FANCL: variants seen among roughly 807,000 people sequenced by gnomAD.
The protein encoded by FANCL is FA complementation group L, also known as E3 ubiquitin-protein ligase FANCL.
A neutral mutation model predicts 59.4 loss-of-function variants in FANCL; 69 were observed. The ratio of observed to expected loss-of-function variants is 1.16; its 90% CI spans 0.96 to 1.42. FANCL has a LOEUF of 1.42. Ranked by LOEUF, FANCL falls within the 40% of genes most tolerant of loss-of-function variation. The pLI, the probability that FANCL is intolerant of heterozygous loss-of-function variation, is 0.00. For missense variants in FANCL, 519 were observed against 447.2 expected (o/e 1.16, Z -1.45); for synonymous variants, 180 against 147.1 (o/e 1.22, Z -1.62).
rs1023627906 is a variant in FANCL at position 58,212,323 on chromosome 2, G to T, written c.375-8097C>A. Among the ~76,000 whole-genome samples, 8 of 152,292 alleles carry T rather than the reference G, an allele frequency of 5.3e-5. No homozygotes were observed. The East Asian group carries it at 1.2e-3, about 22-fold the overall frequency. On this transcript the variant is annotated intron_variant, in intron 5 of 13. Coordinates refer to ENST00000233741, the MANE Select transcript of FANCL (RefSeq NM_018062.4). ...TCATTACCATGAGAACAGTATGGGG[G>T]AAACTGCCCCCGTGATTAAATTATC...
At chr2:58,192,205 T>C (rs1365185243) in intron 7 of FANCL, among the ~76,000 whole-genome samples, 2 of 151,950 alleles carry the variant, frequency 1.3e-5, no homozygotes, top group Non-Finnish European at 2.9e-5. Context: ...TCCACAAGTA[T>C]CTCATGTGCT....
intron 11 of FANCL, 138 bp from the exon 12 acceptor site, chr2:58,161,776 T>C: frequency 1.5e-6 from 1 of 655,934 alleles, no homozygotes; most frequent in Non-Finnish European, 2.8e-6. Context: ...AAGATATTCA[T>C]CACCTCAACA....
rs186273682 is a variant in FANCL at position 58,191,200 on chromosome 2, T to A, written c.540+7394A>T. Among the ~76,000 whole-genome samples, 3 of 151,860 alleles carry A rather than the reference T, an allele frequency of 2.0e-5. No individual in the cohort carries two copies. The East Asian group carries it at 5.8e-4, about 29-fold the overall frequency. ...CAGAGTCCCTGTCAGGAACAAAACA[T>A]GAGAGAATGTTAATAAATTATACTC... On this transcript the variant is annotated intron_variant, in intron 7 of 13. Coordinates refer to ENST00000233741, the MANE Select transcript of FANCL (RefSeq NM_018062.4).
rs749841169 is a variant in FANCL, at chr2:58,162,957, T to A, written c.822-10A>T. ...ACTATTTTCTGGATCCCTGAAAGCA[T>A]GGGGAAAAAAATTATGCTGTGAACT... On this transcript the variant is annotated splice_polypyrimidine_tract_variant and intron_variant, in intron 10 of 13. Transcript: ENST00000233741. 2 of 1,612,498 alleles carry A rather than the reference T, an allele frequency of 1.2e-6. No individual in the cohort carries two copies. The highest frequency in any genetic ancestry group is 2.7e-5 in the African/African-American group (2 of 74,832).
intron 7 of FANCL, among the ~76,000 whole-genome samples, chr2:58,177,770 TTAATAA>T (rs1031274136): frequency 7.0e-6 from 1 of 143,286 alleles, no homozygotes; most frequent in African/African-American, 2.6e-5. Context: ...ACACTAAAAC[TTAATAA>T]TAAAATAAAA....
At position 58,160,122 on chromosome 2, in the gene FANCL, G is replaced by C. The variant is rs748875030; in HGVS notation, c.1078C>G (p.Pro360Ala). 1 of 1,612,522 alleles carries C rather than the reference G, an allele frequency of 6.2e-7. No individual in the cohort carries two copies. The highest frequency in any genetic ancestry group is 8.5e-7 in the Non-Finnish European group (1 of 1,178,826). The change falls in exon 13 of 14, where the codon CCA becomes GCA. Residue 360 changes from proline to alanine, a missense_variant. Physicochemically the swap from Pro to Ala is conservative, Grantham distance 27. Transcript: ENST00000233741. ...QSFNIIFGECPYCSKPITLKM... is the reference protein window; with the variant it reads ...QSFNIIFGECAYCSKPITLKM... ...AATTTGCTTACCTTACTACAATATG[G>C]ACATTCACCAAATATGATGTTAAAA...
intron 7 of FANCL, 101 bp from the exon 8 acceptor site, chr2:58,165,975 C>A: frequency 8.5e-7 from 1 of 1,177,756 alleles, no homozygotes; most frequent in Non-Finnish European, 1.2e-6. Flanking sequence ...TAAGCTGTTT[C>A]ATTTTAGCTA....
rs200819615 is a variant in FANCL, at chr2:58,161,573, C to T, written c.969G>A (p.Val323=). The T allele has an allele frequency of 2.5e-5, 40 of 1,611,540 alleles. No individual in the cohort carries two copies. The highest frequency in any genetic ancestry group is 4.2e-6 in the Non-Finnish European group (5 of 1,178,126). The part of the protein sequence containing the change: ...YQLDGTIPDQ[V]CDNSQCGQPF... Reference sequence around the variant, plus strand: ...GTTGTCCACACTGAGAATTATCACACACTTGATCAGGAATGGTACCGTCAA... The same window carrying T: ...GTTGTCCACACTGAGAATTATCACATACTTGATCAGGAATGGTACCGTCAA... The change falls in exon 12 of 14, where the codon GTG becomes GTA. Residue 323 remains valine, a synonymous_variant. Coordinates refer to ENST00000233741, the MANE Select transcript of FANCL (RefSeq NM_018062.4).
At chr2:58,228,223 G>C (rs563269012) in intron 3 of FANCL, among the ~76,000 whole-genome samples, 2 of 152,106 alleles carry the variant, frequency 1.3e-5, no homozygotes, top group South Asian at 4.2e-4. Flanking sequence ...AATCTCTAAA[G>C]TACAATAAAT....
chr2:58,227,618 C>G (rs1202967078), intron 3 of FANCL, among the ~76,000 whole-genome samples: 2 of 152,192 alleles, frequency 1.3e-5, no homozygotes, highest in Non-Finnish European at 2.9e-5. Context: ...TGTCCAGCCA[C>G]TTGTGTGTTC....
intron 7 of FANCL, among the ~76,000 whole-genome samples, chr2:58,195,304 G>C (rs985140758): frequency 2.0e-4 from 30 of 152,064 alleles, no homozygotes; most frequent in African/African-American, 7.2e-4. Flanking sequence ...ATGATATACA[G>C]CCAGAATCTT....
At chr2:58,220,844 G>A (rs1308449602) in intron 5 of FANCL, among the ~76,000 whole-genome samples, 1 of 152,070 alleles carries the variant, frequency 6.6e-6, no homozygotes, top group Non-Finnish European at 1.5e-5. Context: ...GTTAGCCCTC[G>A]ATTTATCTTA....
chr2:58,222,187 C>T (rs1692541245), intron 4 of FANCL, 145 bp from the exon 5 acceptor site: 2 of 604,742 alleles, frequency 3.3e-6, no homozygotes, highest in East Asian at 2.9e-5. Flanking sequence ...GACTCATTCC[C>T]CTGCTCATGA....
At chr2:58,186,068 G>C (rs1486071150) in intron 7 of FANCL, among the ~76,000 whole-genome samples, 1 of 152,106 alleles carries the variant, frequency 6.6e-6, no homozygotes, top group Non-Finnish European at 1.5e-5. Flanking sequence ...CAAGTCAAAG[G>C]AAGCCGACAG....
intron 1 of FANCL, among the ~76,000 whole-genome samples, chr2:58,240,943 A>G (rs1373877932): frequency 6.6e-6 from 1 of 152,160 alleles, no homozygotes; most frequent in Non-Finnish European, 1.5e-5. Context: ...ACGAAGAAGG[A>G]AGCCAAACTC....
chr2:58,187,604 GAAGC>G (rs1358901397), intron 7 of FANCL, among the ~76,000 whole-genome samples: 1 of 151,834 alleles, frequency 6.6e-6, no homozygotes, highest in African/African-American at 2.4e-5. Context: ...AGTGAAGTTG[GAAGC>G]AAGAATTACC....
chr2:58,180,962 T>C (rs1687883328), intron 7 of FANCL, among the ~76,000 whole-genome samples: 1 of 152,118 alleles, frequency 6.6e-6, no homozygotes, highest in Admixed American at 6.6e-5. Context: ...TCATATACTG[T>C]CAGTGCGCAT....
At chr2:58,222,174 GCTGA>G (rs1334017954) in intron 4 of FANCL, 132 bp from the exon 5 acceptor site, 4 of 644,756 alleles carry the variant, frequency 6.2e-6, no homozygotes, top group Non-Finnish European at 1.1e-5. Context: ...CGGAAATCTG[GCTGA>G]CTCATTCCCC....
rs1421240457 is a variant in FANCL, at chr2:58,189,545, G to C, written c.540+9049C>G. ...GGAGAAGAGGGAAAGATATATGTGA[G>C]AACTAAGATGTTAGCTATTTCCCCA... On this transcript the variant is annotated intron_variant, in intron 7 of 13. Transcript: ENST00000233741. Among the ~76,000 whole-genome samples, 3 of 152,078 alleles carry C rather than the reference G, an allele frequency of 2.0e-5. No homozygotes were observed. The East Asian group carries it at 5.8e-4, about 29-fold the overall frequency.
Sources: gnomAD v4.1 joint callset for allele counts (sites outside exome capture counted in the v4.1 genomes callset) on GRCh38, gnomAD v4.1.1 for gene constraint, MANE v1.5 for transcripts, NCBI Gene and HGNC (gene_info 2026-07-23, HGNC 2026-07-21) for gene names.